Variants in IRAK2 observed in about 807,000 individuals in gnomAD.
IRAK2 encodes the protein interleukin 1 receptor associated kinase 2.
A neutral mutation model predicts 72.0 loss-of-function variants in IRAK2; 57 were observed. That is an observed-to-expected ratio of 0.79 (90% CI 0.64 to 0.99). The LOEUF is 0.99. Ranked by LOEUF, IRAK2 falls within the 50% of genes least tolerant of loss-of-function variation. The pLI is 0.00. For missense variants in IRAK2, 790 were observed against 794.4 expected (o/e 0.99, Z 0.07); for synonymous variants, 293 against 312.7 (o/e 0.94, Z 0.67).
intron 1 of IRAK2, among the ~76,000 whole-genome samples, chr3:10,170,374 A>G (rs1002099337): frequency 6.6e-6 from 1 of 152,160 alleles, no homozygotes; most frequent in African/African-American, 2.4e-5. Flanking sequence ...CCCTTTTGCT[A>G]TGTAAGGTAC....
chr3:10,222,700 C>G lies in IRAK2; in HGVS notation c.1078C>G (p.Pro360Ala), dbSNP rs142881536. 3.7e-6 allele frequency: 6 copies of G among 1,614,068 alleles called. No individual in the cohort carries two copies. In the African/African-American group the frequency reaches 8.0e-5, roughly 22 times the overall value. ...TGCTCACCCAATGGCTCATCTGTGT[C>G]CTGTCAACAAAAGGTCAAAATACAC... Reference protein sequence around the residue: ...KLAHPMAHLCPVNKRSKYTMM... With the variant: ...KLAHPMAHLCAVNKRSKYTMM... Residue 360 changes from proline to alanine, a missense_variant, in exon 9 of 13, where the codon CCT becomes GCT. Transcript: ENST00000256458.
chr3:10,229,403 T>C (rs977191156), intron 10 of IRAK2, among the ~76,000 whole-genome samples: 2 of 152,198 alleles, frequency 1.3e-5, no homozygotes, highest in Non-Finnish European at 2.9e-5. Flanking sequence ...GTGTGAGCCA[T>C]GGCGCCCAGC....
chr3:10,201,196 AT>A (rs767981235), intron 3 of IRAK2, among the ~76,000 whole-genome samples: 1 of 152,228 alleles, frequency 6.6e-6, no homozygotes, highest in Non-Finnish European at 1.5e-5. Flanking sequence ...CTAACTATGA[AT>A]TAGGTATTGT....
chr3:10,222,614 C>G, intron 8 of IRAK2, 22 bp from the exon 9 acceptor site: 1 of 1,602,718 alleles, frequency 6.2e-7, no homozygotes, highest in Non-Finnish European at 8.5e-7. Context: ...TGAGAAGGTT[C>G]CCTCTCCTTT....
At chr3:10,214,459 G>A (rs1402317461) in intron 6 of IRAK2, among the ~76,000 whole-genome samples, 3 of 131,106 alleles carry the variant, frequency 2.3e-5, no homozygotes, top group South Asian at 2.5e-4. Flanking sequence ...TTGAGCTCCC[G>A]GGCTCAAGTG....
chr3:10,190,354 C>A (rs1019993270), intron 2 of IRAK2, among the ~76,000 whole-genome samples: 5 of 144,400 alleles, frequency 3.5e-5, no homozygotes, highest in African/African-American at 1.0e-4. Context: ...GAGCTTGGCT[C>A]ACTGCAACCT....
chr3:10,165,874 G>C (rs1396194962), intron 1 of IRAK2, among the ~76,000 whole-genome samples: 2 of 152,080 alleles, frequency 1.3e-5, no homozygotes, highest in Non-Finnish European at 2.9e-5. Context: ...GGGACTACAG[G>C]CGCCCGCCAC....
At chr3:10,190,585 G>C (rs1697160018) in intron 2 of IRAK2, among the ~76,000 whole-genome samples, 1 of 152,140 alleles carries the variant, frequency 6.6e-6, no homozygotes, top group Admixed American at 6.6e-5. Context: ...AGAATGAACA[G>C]AGTGTGGAAT....
chr3:10,218,423 CAAA>C (rs56893916), intron 7 of IRAK2, among the ~76,000 whole-genome samples: 1 of 49,306 alleles, frequency 2.0e-5, no homozygotes, highest in Non-Finnish European at 3.7e-5. Flanking sequence ...GACTCCGTCT[CAAA>C]AAAAAAAAAA....
intron 2 of IRAK2, among the ~76,000 whole-genome samples, chr3:10,192,727 TG>T (rs1697196443): frequency 2.0e-5 from 3 of 152,120 alleles, no homozygotes; most frequent in Non-Finnish European, 2.9e-5. Flanking sequence ...GAGACCAGCC[TG>T]GCCAATATGG....
At chr3:10,165,130 T>A (rs1290041318) in intron 1 of IRAK2, 82 bp downstream of exon 1, 3 of 1,237,586 alleles carry the variant, frequency 2.4e-6, no homozygotes, top group Non-Finnish European at 3.5e-6. Context: ...CCAAGCTCCC[T>A]CGGGCACCCG....
intron 10 of IRAK2, among the ~76,000 whole-genome samples, chr3:10,226,716 A>C (rs1216478982): frequency 6.6e-6 from 1 of 151,934 alleles, no homozygotes; most frequent in Admixed American, 6.6e-5. Context: ...CCAGGAGTTC[A>C]AGACCAGCCT....
intron 3 of IRAK2, among the ~76,000 whole-genome samples, chr3:10,206,203 C>T (rs1443346644): frequency 5.3e-5 from 8 of 152,172 alleles, no homozygotes; most frequent in Admixed American, 5.2e-4. Context: ...GGCAGACTCT[C>T]CAGGGTGTCC....
intron 11 of IRAK2, among the ~76,000 whole-genome samples, chr3:10,237,374 C>A (rs1364481923): frequency 3.3e-5 from 5 of 152,168 alleles, no homozygotes; most frequent in Non-Finnish European, 1.5e-5. Context: ...GGGTCAGGGA[C>A]TGGAAGATAA....
rs185529157 is a variant in IRAK2 at position 10,221,114 on chromosome 3, C to T, written c.1013+1325C>T. 2.4e-3 allele frequency among the ~76,000 whole-genome samples: 359 copies of T among 151,334 alleles called. 1 individual carries two copies. Among genetic ancestry groups the T allele is most frequent in the African/African-American group, 8.0e-3 (330 of 41,256 alleles). On this transcript the variant is annotated intron_variant, in intron 8 of 12. Coordinates refer to ENST00000256458, the MANE Select transcript of IRAK2 (RefSeq NM_001570.4). ...ACGCTAAAAAAGTTTTTTTTTTGGC[C>T]GGGCGCGGTGGCTCACGCCTGTAAT...
intron 2 of IRAK2, among the ~76,000 whole-genome samples, chr3:10,192,551 A>G (rs1202584127): frequency 6.6e-6 from 1 of 151,878 alleles, no homozygotes; most frequent in African/African-American, 2.4e-5. Flanking sequence ...TAAGACAACT[A>G]CCTTATACTT....
chr3:10,167,566 C>T (rs918264958), intron 1 of IRAK2, among the ~76,000 whole-genome samples: 9 of 152,048 alleles, frequency 5.9e-5, no homozygotes, highest in Non-Finnish European at 1.2e-4. Context: ...AGGTGCCTGC[C>T]ACCATGCCCG....
chr3:10,234,360 C>A, intron 10 of IRAK2, 99 bp from the exon 11 acceptor site: 1 of 953,860 alleles, frequency 1.0e-6, no homozygotes. Flanking sequence ...GGTCGGTTTT[C>A]TGAGCATTTT....
At chr3:10,219,912 C>G (rs1381729486) in intron 8 of IRAK2, 123 bp downstream of exon 8, 1 of 669,646 alleles carries the variant, frequency 1.5e-6, no homozygotes, top group Admixed American at 2.3e-5. Flanking sequence ...CTTCCTACCT[C>G]CTCTCCTCTG....
Sources: allele counts gnomAD v4.1 joint callset (sites outside exome capture counted in the v4.1 genomes callset), GRCh38; gene constraint gnomAD v4.1.1; transcripts MANE v1.5; gene names NCBI Gene and HGNC (gene_info 2026-07-23, HGNC 2026-07-21).